Variants in LINGO2 observed in about 807,000 individuals in gnomAD.
LINGO2 encodes leucine-rich repeat and immunoglobulin-like domain-containing nogo receptor-interacting protein 2.
Under a neutral mutation model 30.6 loss-of-function variants are expected in LINGO2, and 14 were observed. That is an observed-to-expected ratio of 0.46 (90% CI 0.30 to 0.72). The LOEUF is 0.72. LINGO2 is among the 30% of genes least tolerant of loss of function. LINGO2 has a pLI of 0.07. For missense variants in LINGO2, 729 were observed against 751.7 expected (o/e 0.97, Z 0.35); for synonymous variants, 317 against 288.5 (o/e 1.10, Z -1.00).
the LINGO2 span, among the ~76,000 whole-genome samples, chr9:28,877,003 G>A: frequency 6.6e-6 from 1 of 152,042 alleles, no homozygotes; most frequent in African/African-American, 2.4e-5. Flanking sequence ...GATGGCCAGT[G>A]ATGGTAACCA....
chr9:28,568,299 GA>G (rs1182841779), intron 1 of LINGO2, among the ~76,000 whole-genome samples: 2 of 151,968 alleles, frequency 1.3e-5, no homozygotes, highest in Admixed American at 6.6e-5. Context: ...TCTGGGAGAG[GA>G]ACAACAGACA....
the LINGO2 span, among the ~76,000 whole-genome samples, chr9:29,103,852 G>T: frequency 2.6e-5 from 4 of 152,174 alleles, no homozygotes; most frequent in South Asian, 4.1e-4. Context: ...AGTAGAGGCA[G>T]AGGGAAGAAA....
the LINGO2 span, among the ~76,000 whole-genome samples, chr9:28,692,752 G>A: frequency 7.9e-5 from 12 of 152,066 alleles, no homozygotes; most frequent in African/African-American, 2.9e-4. Context: ...TGGCACTGGT[G>A]CTAATAATAA....
chr9:29,187,801 T>TG, the LINGO2 span, among the ~76,000 whole-genome samples: 3 of 141,284 alleles, frequency 2.1e-5, no homozygotes, highest in Non-Finnish European at 4.6e-5. Flanking sequence ...TTTTTTTTTT[T>TG]GCTTATTATG....
At chr9:28,256,894 A>G (rs953177365) in intron 4 of LINGO2, among the ~76,000 whole-genome samples, 5 of 151,924 alleles carry the variant, frequency 3.3e-5, no homozygotes, top group Admixed American at 6.6e-5. Flanking sequence ...AATTTTAAAT[A>G]TATGTTTAGC....
chr9:28,552,586 C>T (rs936946468), intron 1 of LINGO2, among the ~76,000 whole-genome samples: 1 of 151,678 alleles, frequency 6.6e-6, no homozygotes, highest in Non-Finnish European at 1.5e-5. Context: ...AACATGGTCA[C>T]ATGGTGAGTC....
chr9:28,448,892 G>C (rs1251644556), intron 2 of LINGO2, among the ~76,000 whole-genome samples: 1 of 152,000 alleles, frequency 6.6e-6, no homozygotes, highest in Admixed American at 6.6e-5. Context: ...TGTAGGACAA[G>C]TCAGGGATAT....
the LINGO2 span, among the ~76,000 whole-genome samples, chr9:29,183,673 G>T: frequency 1.3e-5 from 2 of 152,176 alleles, no homozygotes; most frequent in East Asian, 1.9e-4. Flanking sequence ...TATGTTAAAA[G>T]AATAAATTAT....
At chr9:28,742,666 TTTTAAAGAA>T in the LINGO2 span, among the ~76,000 whole-genome samples, 6 of 151,952 alleles carry the variant, frequency 3.9e-5, no homozygotes, top group Non-Finnish European at 7.4e-5. Context: ...ATAGTATGTC[TTTTAAAGAA>T]CCTGAGAGGA....
the LINGO2 span, among the ~76,000 whole-genome samples, chr9:28,983,861 A>G: frequency 6.6e-6 from 1 of 151,980 alleles, no homozygotes; most frequent in African/African-American, 2.4e-5. Flanking sequence ...CTCCTTAACA[A>G]TGCTGATTAA....
intron 4 of LINGO2, among the ~76,000 whole-genome samples, chr9:28,111,211 G>A (rs1457586676): frequency 6.6e-6 from 1 of 151,966 alleles, no homozygotes; most frequent in Non-Finnish European, 1.5e-5. Context: ...ACAGGGAGGG[G>A]AACATCACAC....
intron 3 of LINGO2, among the ~76,000 whole-genome samples, chr9:28,347,475 G>T (rs1400642969): frequency 6.6e-6 from 1 of 151,996 alleles, no homozygotes; most frequent in African/African-American, 2.4e-5. Context: ...AAAGATAAAA[G>T]AAGTTGTCAA....
intron 4 of LINGO2, among the ~76,000 whole-genome samples, chr9:28,089,143 T>C (rs1278899944): frequency 6.6e-6 from 1 of 152,204 alleles, no homozygotes; most frequent in East Asian, 1.9e-4. Flanking sequence ...ATTGTCAACA[T>C]TAGACAGATC....
At chr9:29,046,896 T>C in the LINGO2 span, among the ~76,000 whole-genome samples, 8 of 88,324 alleles carry the variant, frequency 9.1e-5, no homozygotes, top group African/African-American at 3.2e-4. Context: ...CTGGTCAACA[T>C]GGTGAAACCC....
chr9:28,050,215 TTGG>T lies in LINGO2; in HGVS notation c.-86-37813_-86-37811del, dbSNP rs572880951. Among the ~76,000 whole-genome samples the T allele has an allele frequency of 6.5e-4, 98 of 150,604 alleles. 6 individuals carry two copies. The highest frequency in any genetic ancestry group is 2.2e-3 in the African/African-American group (91 of 40,818). ...CAAATTGAGGGAAGGCAATGAGTTA[TTGG>T]TACCATGTGCCTGGCAGTATACTCA... On this transcript the variant is annotated intron_variant, in intron 4 of 5. Transcript: ENST00000379992.
At chr9:28,849,351 T>C in the LINGO2 span, among the ~76,000 whole-genome samples, 1,011 of 152,132 alleles carry the variant, frequency 6.6e-3, 10 homozygotes, top group African/African-American at 0.023. Flanking sequence ...TGCAGTTCTG[T>C]ATGTGCAATA....
chr9:28,545,437 T>G (rs1344455762), intron 1 of LINGO2, among the ~76,000 whole-genome samples: 2 of 152,030 alleles, frequency 1.3e-5, no homozygotes, highest in African/African-American at 4.8e-5. Flanking sequence ...TTGCAACTTA[T>G]GAAAGAGAGC....
At chr9:28,397,374 C>CACAT (rs1554716186) in intron 2 of LINGO2, among the ~76,000 whole-genome samples, 171 of 116,306 alleles carry the variant, frequency 1.5e-3, no homozygotes, top group African/African-American at 2.6e-3. Context: ...TATATATATA[C>CACAT]ATATATATAT....
At chr9:28,756,135 C>T in the LINGO2 span, among the ~76,000 whole-genome samples, 3 of 152,022 alleles carry the variant, frequency 2.0e-5, no homozygotes, top group East Asian at 5.8e-4. Flanking sequence ...CTTGTCAAAA[C>T]ATCTTGGAAA....
Sources: allele counts gnomAD v4.1 joint callset (sites outside exome capture counted in the v4.1 genomes callset), GRCh38; gene constraint gnomAD v4.1.1; transcripts MANE v1.5; gene names NCBI Gene and HGNC (gene_info 2026-07-23, HGNC 2026-07-21).